STPG2: variants seen among roughly 807,000 people sequenced by gnomAD.
STPG2 encodes sperm-tail PG-rich repeat-containing protein 2.
STPG2 carries 56 observed loss-of-function variants against 54.2 expected under a neutral mutation model. The ratio of observed to expected loss-of-function variants is 1.03; its 90% CI spans 0.83 to 1.29. STPG2 has a LOEUF of 1.29. Among genes scored for constraint, STPG2 ranks in the 50% most tolerant of loss-of-function variants. The pLI is 0.00. For missense variants in STPG2, 596 were observed against 544.9 expected, an observed-to-expected ratio of 1.09 and a Z score of -0.93; for synonymous variants, 200 against 181.8, an observed-to-expected ratio of 1.10 and a Z score of -0.81.
At chr4:97,672,716 A>C (rs1722737396) in intron 10 of STPG2, among the ~76,000 whole-genome samples, 1 of 152,160 alleles carries the variant, frequency 6.6e-6, no homozygotes, top group African/African-American at 2.4e-5. Flanking sequence ...GGAGAACATG[A>C]CTGAGTTTAT....
At chr4:97,783,813 T>G (rs1726731339) in intron 9 of STPG2, among the ~76,000 whole-genome samples, 1 of 152,002 alleles carries the variant, frequency 6.6e-6, no homozygotes, top group Admixed American at 6.6e-5. Flanking sequence ...CTCAGTAAAC[T>G]ATCACAAGGA....
chr4:98,126,209 T>C (rs1739824477), intron 3 of STPG2, among the ~76,000 whole-genome samples: 1 of 152,130 alleles, frequency 6.6e-6, no homozygotes, highest in South Asian at 2.1e-4. Flanking sequence ...TCAGCCCCCT[T>C]CCTACAGGAG....
At chr4:97,813,677 T>TAAAAAAAAAAA (rs869298230) in intron 9 of STPG2, among the ~76,000 whole-genome samples, 5 of 45,928 alleles carry the variant, frequency 1.1e-4, no homozygotes, top group African/African-American at 2.4e-4. Context: ...CCCTGTCTCT[T>TAAAAAAAAAAA]AAAAAAAAAA....
At chr4:97,754,739 T>A (rs1328281460) in intron 9 of STPG2, among the ~76,000 whole-genome samples, 1 of 152,098 alleles carries the variant, frequency 6.6e-6, no homozygotes, top group East Asian at 1.9e-4. Flanking sequence ...ATTACAGTAC[T>A]TCCTATCTTG....
chr4:97,464,267 A>C (rs1729737012), intron 4 of STPG2, among the ~76,000 whole-genome samples: 1 of 152,222 alleles, frequency 6.6e-6, no homozygotes, highest in African/African-American at 2.4e-5. Context: ...GAAAGTACGC[A>C]GTATAACAAC....
intron 4 of STPG2, among the ~76,000 whole-genome samples, chr4:97,510,599 T>G (rs962539867): frequency 2.6e-5 from 4 of 151,988 alleles, no homozygotes; most frequent in Admixed American, 6.6e-5. Flanking sequence ...TGGAAGACAA[T>G]TTTTCCATGG....
At chr4:97,748,617 A>G (rs1244778265) in intron 9 of STPG2, among the ~76,000 whole-genome samples, 1 of 151,554 alleles carries the variant, frequency 6.6e-6, no homozygotes, top group African/African-American at 2.4e-5. Context: ...TAGGTTTTGC[A>G]GACTATATGG....
At chr4:97,815,717 G>T (rs933988366) in intron 9 of STPG2, among the ~76,000 whole-genome samples, 3 of 152,110 alleles carry the variant, frequency 2.0e-5, no homozygotes, top group African/African-American at 7.2e-5. Context: ...TTGTACACAG[G>T]ATAGCTGCAC....
At chr4:97,638,698 A>C (rs2148942723) in intron 10 of STPG2, among the ~76,000 whole-genome samples, 1 of 145,804 alleles carries the variant, frequency 6.9e-6, no homozygotes, top group Non-Finnish European at 1.5e-5. Flanking sequence ...ATGAACAGAC[A>C]CTTCTCAAAA....
chr4:97,722,420 C>T (rs1724477536), intron 9 of STPG2, among the ~76,000 whole-genome samples: 1 of 152,030 alleles, frequency 6.6e-6, no homozygotes, highest in East Asian at 1.9e-4. Flanking sequence ...ATTGTAACTC[C>T]AGTCTTTTTA....
At chr4:97,458,432 T>C (rs1729580695) in intron 4 of STPG2, among the ~76,000 whole-genome samples, 1 of 152,142 alleles carries the variant, frequency 6.6e-6, no homozygotes. Context: ...TTTCTCAAAC[T>C]CATAATGAAA....
intron 8 of STPG2, among the ~76,000 whole-genome samples, chr4:97,862,398 A>G (rs1015627176): frequency 7.9e-5 from 12 of 152,176 alleles, no homozygotes; most frequent in Admixed American, 5.9e-4. Context: ...AGAACTAACT[A>G]TCTTAAATAT....
At chr4:97,754,914 C>T (rs745359710) in intron 9 of STPG2, among the ~76,000 whole-genome samples, 28 of 152,088 alleles carry the variant, frequency 1.8e-4, no homozygotes, top group Non-Finnish European at 2.6e-4. Flanking sequence ...TAGAAACCTA[C>T]GAACCACAAC....
At chr4:97,967,874 A>T (rs111494381) in intron 7 of STPG2, among the ~76,000 whole-genome samples, 3 of 152,276 alleles carry the variant, frequency 2.0e-5, no homozygotes, top group African/African-American at 7.2e-5. Flanking sequence ...GTAGAGGGAA[A>T]TTTATACTAC....
chr4:97,800,809 T>A (rs528631377), intron 9 of STPG2, among the ~76,000 whole-genome samples: 1 of 152,308 alleles, frequency 6.6e-6, no homozygotes, highest in Admixed American at 6.5e-5. Flanking sequence ...GCAGGCCTCC[T>A]TGAGCTGTGG....
intron 5 of STPG2, chr4:98,025,879 A>T: frequency 1.3e-6 from 2 of 1,597,476 alleles, no homozygotes; most frequent in Non-Finnish European, 1.7e-6. Flanking sequence ...CCCTGAAGGG[A>T]GCTGTGGATG....
chr4:97,526,210 T>C (rs1200104432), intron 4 of STPG2, among the ~76,000 whole-genome samples: 1 of 151,886 alleles, frequency 6.6e-6, no homozygotes, highest in African/African-American at 2.4e-5. Context: ...GGTAAGGGAG[T>C]TGAAACAGAG....
chr4:97,564,840 G>A (rs926892437), intron 10 of STPG2, among the ~76,000 whole-genome samples: 5 of 152,236 alleles, frequency 3.3e-5, no homozygotes, highest in African/African-American at 4.8e-5. Context: ...TGAGTAACCC[G>A]ACCTTTCTCT....
intron 9 of STPG2, among the ~76,000 whole-genome samples, chr4:97,769,668 AAC>A (rs1726164940): frequency 6.6e-6 from 1 of 152,076 alleles, no homozygotes; most frequent in South Asian, 2.1e-4. Flanking sequence ...ATATATAGAA[AAC>A]ACAAGAGTTT....
Sources: allele counts gnomAD v4.1 joint callset (sites outside exome capture counted in the v4.1 genomes callset), GRCh38; gene constraint gnomAD v4.1.1; transcripts MANE v1.5; gene names NCBI Gene and HGNC (gene_info 2026-07-23, HGNC 2026-07-21).